OR3A2: variants seen among roughly 807,000 people sequenced by gnomAD.
OR3A2 encodes the protein olfactory receptor family 3 subfamily A member 2.
For synonymous variants in OR3A2, 126 were observed against 159.3 expected, an observed-to-expected ratio of 0.79 and a Z score of 1.57; for missense variants, 318 against 392.8, an observed-to-expected ratio of 0.81 and a Z score of 1.61.
chr17:3,326,509 C>T (rs9905826), intron 3 of OR3A2, among the ~76,000 whole-genome samples: 22,716 of 151,360 alleles, frequency 0.15, 2,330 homozygotes, highest in African/African-American at 0.28. Context: ...TATCAGTTCC[C>T]GAAATTAATA....
chr17:3,290,226 G>A (rs1373817380), intron 3 of OR3A2, among the ~76,000 whole-genome samples: 4 of 152,088 alleles, frequency 2.6e-5, no homozygotes, highest in Non-Finnish European at 5.9e-5. Context: ...ACATAGAATG[G>A]GAAGCCCACA....
chr17:3,314,875 C>T (rs1243970505), intron 3 of OR3A2, among the ~76,000 whole-genome samples: 1 of 152,044 alleles, frequency 6.6e-6, no homozygotes, highest in Non-Finnish European at 1.5e-5. Context: ...CACAGTGTCT[C>T]TTGTTCTCAT....
At chr17:3,370,532 G>T (rs2049604544) in intron 2 of OR3A2, among the ~76,000 whole-genome samples, 1 of 151,726 alleles carries the variant, frequency 6.6e-6, no homozygotes, top group African/African-American at 2.4e-5. Flanking sequence ...ATTCTGCTCT[G>T]ATCTTTGTTA....
chr17:3,302,401 G>A (rs887278612), intron 3 of OR3A2, among the ~76,000 whole-genome samples: 2 of 152,140 alleles, frequency 1.3e-5, no homozygotes, highest in Non-Finnish European at 2.9e-5. Context: ...CAGATATATA[G>A]ACCAATGGAA....
chr17:3,282,189 T>C (rs2048780893), intron 1 of OR3A2, among the ~76,000 whole-genome samples: 1 of 151,984 alleles, frequency 6.6e-6, no homozygotes, highest in Non-Finnish European at 1.5e-5. Flanking sequence ...CTGAGGTGGG[T>C]GGATCACGAG....
chr17:3,320,148 A>G (rs2049108205), intron 3 of OR3A2, among the ~76,000 whole-genome samples: 1 of 151,442 alleles, frequency 6.6e-6, no homozygotes, highest in African/African-American at 2.4e-5. Context: ...GCATTTTTTC[A>G]TGTGTTTTTT....
chr17:3,351,132 G>T (rs994805777), intron 2 of OR3A2, among the ~76,000 whole-genome samples: 2 of 151,168 alleles, frequency 1.3e-5, no homozygotes, highest in Non-Finnish European at 3.0e-5. Flanking sequence ...ACAAGACAGG[G>T]ATGCCCTCTC....
chr17:3,283,168 T>C (rs1402821513), intron 1 of OR3A2, among the ~76,000 whole-genome samples: 1 of 152,214 alleles, frequency 6.6e-6, no homozygotes, highest in Non-Finnish European at 1.5e-5. Context: ...ATATGTTTGA[T>C]TCATTTTCAA....
rs796103611 is a variant in OR3A2 at position 3,373,902 on chromosome 17, T to C, written c.-179+9902A>G. The stretch of plus-strand genomic sequence containing the variant: ...TTATTGTTTTATAGGCCCTGTGAAA[T>C]TTATGCTTTAAGGAGGTTCCAGTTT... On this transcript the variant is annotated intron_variant, in intron 2 of 4. Transcript: ENST00000573491. Among the ~76,000 whole-genome samples, 13 of 152,308 alleles carry C rather than the reference T, an allele frequency of 8.5e-5. 1 individual carries two copies. Among genetic ancestry groups the C allele is most frequent in the African/African-American group, 3.1e-4 (13 of 41,576 alleles).
chr17:3,366,705 CT>C (rs2049567271), intron 2 of OR3A2, among the ~76,000 whole-genome samples: 1 of 152,162 alleles, frequency 6.6e-6, no homozygotes, highest in Non-Finnish European at 1.5e-5. Flanking sequence ...GGCAGATATT[CT>C]TGAGTCTGTG....
At chr17:3,350,102 C>T (rs1481565095) in intron 2 of OR3A2, among the ~76,000 whole-genome samples, 9 of 150,494 alleles carry the variant, frequency 6.0e-5, no homozygotes, top group Admixed American at 2.7e-4. Flanking sequence ...AATTGACACC[C>T]TAACATCACA....
At chr17:3,346,527 A>AC (rs555510750) in intron 2 of OR3A2, among the ~76,000 whole-genome samples, 144 of 152,312 alleles carry the variant, frequency 9.5e-4, no homozygotes, top group Non-Finnish European at 1.6e-3. Context: ...CCTTTGTGTC[A>AC]CAAACAATCC....
chr17:3,334,800 G>A (rs991875434), intron 3 of OR3A2, among the ~76,000 whole-genome samples: 3 of 152,090 alleles, frequency 2.0e-5, no homozygotes, highest in Admixed American at 1.3e-4. Flanking sequence ...AGTGTCATAG[G>A]CTTTTAAAAA....
exon 2 of OR3A2, chr17:3,277,292 G>A (rs2048744464): frequency 6.6e-6 from 1 of 151,978 alleles, no homozygotes; most frequent in African/African-American, 2.4e-5. Flanking sequence ...GCAAACAAAT[G>A]AATGAAATAA....
At chr17:3,306,508 G>A (rs1184733575) in intron 3 of OR3A2, among the ~76,000 whole-genome samples, 3 of 151,938 alleles carry the variant, frequency 2.0e-5, no homozygotes, top group Admixed American at 2.0e-4. Context: ...TTACCTAGAT[G>A]CTCCCACTCC....
At chr17:3,287,003 GA>G (rs1405371724), upstream of OR3A2, among the ~76,000 whole-genome samples, 1 of 152,154 alleles carries the variant, frequency 6.6e-6, no homozygotes, top group Non-Finnish European at 1.5e-5. Context: ...CCTATGTCCT[GA>G]ATGGTATTGC....
At chr17:3,347,157 T>C (rs545791971) in intron 2 of OR3A2, among the ~76,000 whole-genome samples, 6 of 152,326 alleles carry the variant, frequency 3.9e-5, no homozygotes, top group Admixed American at 2.0e-4. Context: ...TTTCTACCAA[T>C]GGTGTATAAG....
intron 3 of OR3A2, chr17:3,292,127 C>T: frequency 6.2e-7 from 1 of 1,614,088 alleles, no homozygotes; most frequent in Non-Finnish European, 8.5e-7. Context: ...AAGCACAAGC[C>T]CAGGACGCAG....
chr17:3,291,101 G>A (rs1367274973), intron 3 of OR3A2: 1 of 152,560 alleles, frequency 6.6e-6, no homozygotes, highest in African/African-American at 2.4e-5. Context: ...TCTATGCTAT[G>A]GGGTCCTTGT....
Sources: gnomAD v4.1 joint callset for allele counts (sites outside exome capture counted in the v4.1 genomes callset) on GRCh38, gnomAD v4.1.1 for gene constraint, MANE v1.5 for transcripts, NCBI Gene and HGNC (gene_info 2026-07-23, HGNC 2026-07-21) for gene names.